Variants in EMP1 observed in about 807,000 individuals in gnomAD.
The protein encoded by EMP1 is tumor-associated membrane protein.
In EMP1, 5 loss-of-function variants were observed where a neutral mutation model predicts 15.7. That is an observed-to-expected ratio of 0.32 (90% confidence interval 0.17 to 0.67). The LOEUF (loss-of-function observed/expected upper bound fraction) is 0.67. EMP1 is among the 30% of genes least tolerant of loss of function. The pLI is 0.74. For synonymous variants in EMP1, 78 were observed against 76.7 expected (o/e 1.02, Z -0.09); for missense variants, 166 against 194.2 (o/e 0.85, Z 0.86).
intron 1 of EMP1, among the ~76,000 whole-genome samples, chr12:13,198,084 C>T (rs1203016315): frequency 6.6e-6 from 1 of 152,068 alleles, no homozygotes; most frequent in African/African-American, 2.4e-5. Flanking sequence ...AGATGGCATA[C>T]CAGAAACGAT....
rs1864226954 is a variant in EMP1, at chr12:13,217,752, T to G, written c.*3061T>G. ...CAAAAGCCTGGATGGTGAATGGGGG[T>G]GCATTAGTCAGAATTCTCCAGAGAA... On this transcript the variant is annotated 3_prime_UTR_variant, in exon 5 of 5. Coordinates refer to ENST00000256951, the MANE Select transcript of EMP1 (RefSeq NM_001423.3). 1.3e-5 allele frequency: 2 copies of G among 152,052 alleles called. No individual in the cohort carries two copies. The highest frequency in any genetic ancestry group is 4.8e-5 in the African/African-American group (2 of 41,366). The allele number at this position is 152,052 out of a possible 1,614,324, so 9.4% of individuals were successfully genotyped here. A position where few individuals can be genotyped will look rare whatever the true frequency, so the allele number is the denominator to read the frequency against.
At chr12:13,201,659 G>A (rs1864067367) in intron 1 of EMP1, among the ~76,000 whole-genome samples, 1 of 152,164 alleles carries the variant, frequency 6.6e-6, no homozygotes, top group Non-Finnish European at 1.5e-5. Context: ...TCCACTCACA[G>A]ATTCTTTAGG....
rs1435757121 is a variant in EMP1 at position 13,219,616 on chromosome 12, A to G, written c.*4925A>G. On this transcript the variant is annotated 3_prime_UTR_variant, in exon 5 of 5. Transcript: ENST00000256951. ...AGACATACTTGAGACTCGGTAATTT[A>G]TATAGAAAAGAGGTTTAATTGACAA... The G allele has an allele frequency of 6.6e-6, 1 of 152,218 alleles. No individual in the cohort carries two copies. The highest frequency in any genetic ancestry group is 2.4e-5 in the African/African-American group (1 of 41,452). The allele number at this position is 152,218 out of a possible 1,614,324, so 9.4% of individuals were successfully genotyped here. A position where few individuals can be genotyped will look rare whatever the true frequency, so the allele number is the denominator to read the frequency against.
rs1376569630 is a variant in EMP1 at position 13,218,607 on chromosome 12, G to C, written c.*3916G>C. The C allele has an allele frequency of 6.6e-6, 1 of 152,174 alleles. No individual in the cohort carries two copies. The highest frequency in any genetic ancestry group is 1.5e-5 in the Non-Finnish European group (1 of 68,040). The allele number at this position is 152,174 out of a possible 1,614,324, so 9.4% of individuals were successfully genotyped here. A position where few individuals can be genotyped will look rare whatever the true frequency, so the allele number is the denominator to read the frequency against. ...TCAGAGCACAAAACAGATAAGGAAA[G>C]ATGTATGCTGATTGTGTGGAGCCCA... On this transcript the variant is annotated 3_prime_UTR_variant, in exon 5 of 5. Coordinates refer to ENST00000256951, the MANE Select transcript of EMP1 (RefSeq NM_001423.3).
At chr12:13,203,899 G>A (rs1050113300) in intron 1 of EMP1, among the ~76,000 whole-genome samples, 2 of 152,152 alleles carry the variant, frequency 1.3e-5, no homozygotes, top group African/African-American at 2.4e-5. Context: ...CTCATACAGT[G>A]TGCTTGCCCC....
intron 1 of EMP1, among the ~76,000 whole-genome samples, chr12:13,203,386 C>T (rs1049378510): frequency 6.6e-6 from 1 of 152,260 alleles, no homozygotes; most frequent in African/African-American, 2.4e-5. Context: ...TGGGCCCCAA[C>T]TTCACAGCCC....
intron 1 of EMP1, among the ~76,000 whole-genome samples, chr12:13,205,316 C>T (rs186402015): frequency 6.6e-6 from 1 of 152,230 alleles, no homozygotes; most frequent in Non-Finnish European, 1.5e-5. Context: ...CAAAAGGCAA[C>T]ACACACATAT....
At chr12:13,200,040 A>G (rs1038963216) in intron 1 of EMP1, among the ~76,000 whole-genome samples, 1 of 151,002 alleles carries the variant, frequency 6.6e-6, no homozygotes, top group Non-Finnish European at 1.5e-5. Context: ...TACATAGTCA[A>G]TCATACTCAC....
At chr12:13,207,294 A>C (rs904589810) in intron 1 of EMP1, among the ~76,000 whole-genome samples, 1 of 151,966 alleles carries the variant, frequency 6.6e-6, no homozygotes, top group Non-Finnish European at 1.5e-5. Flanking sequence ...TGTATTTTTA[A>C]TTGATACTAG....
At chr12:13,205,408 G>T (rs562512610) in intron 1 of EMP1, among the ~76,000 whole-genome samples, 1 of 152,064 alleles carries the variant, frequency 6.6e-6, no homozygotes, top group East Asian at 1.9e-4. Context: ...AACAAAGTTT[G>T]CATACAATAA....
At chr12:13,200,822 T>C (rs954994470) in intron 1 of EMP1, among the ~76,000 whole-genome samples, 4 of 152,252 alleles carry the variant, frequency 2.6e-5, no homozygotes, top group Non-Finnish European at 5.9e-5. Context: ...GGCATTTCCC[T>C]GGAACTGCAA....
In EMP1 at chr12:13,213,824, G is replaced by C; in HGVS notation, c.316+3G>C. ...AGGGGCCACCACACTGGTGTGCTGT[G>C]AGTATCTCATGGGTAGACTCCAGTT... On this transcript the variant is annotated splice_donor_region_variant and intron_variant, in intron 4 of 4. Transcript: ENST00000256951. The C allele has an allele frequency of 6.2e-7, 1 of 1,613,736 alleles. No homozygotes were observed. The highest frequency in any genetic ancestry group is 1.6e-4 in the Middle Eastern group (1 of 6,062).
chr12:13,206,480 C>T (rs1452849102), intron 1 of EMP1, among the ~76,000 whole-genome samples: 3 of 152,198 alleles, frequency 2.0e-5, no homozygotes, highest in Admixed American at 2.0e-4. Flanking sequence ...CCTCCCACCC[C>T]TCAGCTAGGG....
chr12:13,213,322 G>A (rs1311396908), intron 2 of EMP1, 157 bp from the exon 3 acceptor site: 3 of 677,452 alleles, frequency 4.4e-6, no homozygotes, highest in Non-Finnish European at 7.6e-6. Context: ...GTTTTAATCG[G>A]ACCTTATTTC....
In EMP1 at chr12:13,219,113, A is replaced by C. The variant is rs535320524; in HGVS notation, c.*4422A>C. On this transcript the variant is annotated 3_prime_UTR_variant, in exon 5 of 5. Coordinates refer to ENST00000256951, the MANE Select transcript of EMP1 (RefSeq NM_001423.3). ...TGGGGAACTGGAGGTGAGAAGCATTATAATAGCCTCTCTGCCTTTATCTAC... is the reference window on the plus strand; with the variant it reads ...TGGGGAACTGGAGGTGAGAAGCATTCTAATAGCCTCTCTGCCTTTATCTAC... The C allele has an allele frequency of 6.6e-6, 1 of 152,374 alleles. No homozygotes were observed. The highest frequency in any genetic ancestry group is 1.9e-4 in the East Asian group (1 of 5,184). The allele number at this position is 152,374 out of a possible 1,614,324, so 9.4% of individuals were successfully genotyped here.
rs184386983 is a variant in EMP1, at chr12:13,217,887, G to T, written c.*3196G>T. On this transcript the variant is annotated 3_prime_UTR_variant, in exon 5 of 5. Transcript: ENST00000256951. ...GATTTTGAAGGCAGGCAAGCCCAAA[G>T]TCTGCAAGGGGTGGGCCAGCAGAGA... The T allele has an allele frequency of 6.6e-6, 1 of 152,202 alleles. No individual in the cohort carries two copies. Among genetic ancestry groups the T allele is most frequent in the African/African-American group, 2.4e-5 (1 of 41,448 alleles). The allele number at this position is 152,202 out of a possible 1,614,324, so 9.4% of individuals were successfully genotyped here. A position where few individuals can be genotyped will look rare whatever the true frequency, so the allele number is the denominator to read the frequency against.
At chr12:13,197,341 G>A (rs190747829) in intron 1 of EMP1, among the ~76,000 whole-genome samples, 1 of 152,262 alleles carries the variant, frequency 6.6e-6, no homozygotes, top group East Asian at 1.9e-4. Flanking sequence ...GGATTTTTTG[G>A]GTGGTGGTGG....
chr12:13,208,218 G>A (rs1424996484), intron 1 of EMP1, among the ~76,000 whole-genome samples: 1 of 152,112 alleles, frequency 6.6e-6, no homozygotes, highest in African/African-American at 2.4e-5. Context: ...ATTCACAATG[G>A]GGCAGAGAAT....
chr12:13,209,525 G>A (rs1036416137), intron 1 of EMP1: 2 of 152,104 alleles, frequency 1.3e-5, no homozygotes, highest in African/African-American at 4.8e-5. Flanking sequence ...ACAGCTACCC[G>A]GCTTCACTTA....
Sources: gnomAD v4.1 joint callset for allele counts (sites outside exome capture counted in the v4.1 genomes callset) on GRCh38, gnomAD v4.1.1 for gene constraint, MANE v1.5 for transcripts, NCBI Gene and HGNC (gene_info 2026-07-23, HGNC 2026-07-21) for gene names.